The following SCFD2 variants were observed in gnomAD, a reference collection of about 807,000 sequenced individuals.
SCFD2 encodes sec1 family domain containing 2.
In SCFD2, 54 loss-of-function variants were observed where a neutral mutation model predicts 58.9. That is an observed-to-expected ratio of 0.92 (90% CI 0.74 to 1.15). The LOEUF is 1.15. SCFD2 is among the 50% of genes most tolerant of loss of function. The probability of loss-of-function intolerance (pLI) is 0.00; values close to 1 mark genes in which losing one functional copy is unlikely to be tolerated. For synonymous variants in SCFD2, 321 were observed against 335.9 expected (o/e 0.96, Z 0.49); for missense variants, 805 against 836.6 (o/e 0.96, Z 0.47).
At chr4:52,917,574 C>G (rs1719638408) in intron 6 of SCFD2, among the ~76,000 whole-genome samples, 1 of 152,144 alleles carries the variant, frequency 6.6e-6, no homozygotes, top group Non-Finnish European at 1.5e-5. Context: ...GGTGCTGTCT[C>G]CAGCCTTGGT....
At chr4:53,093,436 T>G (rs1418419993) in intron 5 of SCFD2, among the ~76,000 whole-genome samples, 1 of 152,140 alleles carries the variant, frequency 6.6e-6, no homozygotes, top group African/African-American at 2.4e-5. Flanking sequence ...GCAATATCTG[T>G]CAAAAATATC....
At chr4:53,224,337 C>A (rs6554078) in intron 4 of SCFD2, among the ~76,000 whole-genome samples, 1 of 149,152 alleles carries the variant, frequency 6.7e-6, no homozygotes, top group Non-Finnish European at 1.5e-5. Flanking sequence ...TGCAGTGAGC[C>A]GAGATCACCC....
intron 5 of SCFD2, among the ~76,000 whole-genome samples, chr4:52,993,212 C>T (rs1174920794): frequency 4.6e-5 from 7 of 151,692 alleles, no homozygotes; most frequent in African/African-American, 1.7e-4. Context: ...CGTTAAGAGT[C>T]ATCACCACTC....
At chr4:53,328,997 A>G (rs1733320556) in intron 2 of SCFD2, among the ~76,000 whole-genome samples, 1 of 152,226 alleles carries the variant, frequency 6.6e-6, no homozygotes, top group African/African-American at 2.4e-5. Flanking sequence ...CACACCTGGA[A>G]AATCGGGTCA....
chr4:53,330,524 A>C (rs1475574299), intron 2 of SCFD2, among the ~76,000 whole-genome samples: 1 of 152,174 alleles, frequency 6.6e-6, no homozygotes, highest in Non-Finnish European at 1.5e-5. Flanking sequence ...CAAATAAAAT[A>C]CTTTACAGAC....
At chr4:53,297,831 C>A (rs1362624157) in intron 3 of SCFD2, among the ~76,000 whole-genome samples, 3 of 152,112 alleles carry the variant, frequency 2.0e-5, no homozygotes. Flanking sequence ...CCTTCAGGAG[C>A]TCTTGTAAGG....
chr4:52,875,157 G>T (rs1307049200), intron 8 of SCFD2, among the ~76,000 whole-genome samples: 1 of 152,276 alleles, frequency 6.6e-6, no homozygotes, highest in East Asian at 1.9e-4. Flanking sequence ...CAGTGCCCCC[G>T]TGCCTCCCTT....
chr4:53,218,749 T>C (rs1336285997), intron 4 of SCFD2, among the ~76,000 whole-genome samples: 1 of 152,230 alleles, frequency 6.6e-6, no homozygotes, highest in Admixed American at 6.5e-5. Context: ...TTTTCTGCTC[T>C]GCTTTTTCCC....
intron 5 of SCFD2, among the ~76,000 whole-genome samples, chr4:52,974,220 G>A (rs1282255086): frequency 1.3e-5 from 2 of 152,126 alleles, no homozygotes; most frequent in East Asian, 1.9e-4. Flanking sequence ...GGAAAAGAGG[G>A]AGTCAAATTG....
intron 4 of SCFD2, among the ~76,000 whole-genome samples, chr4:53,217,922 G>A (rs1046208272): frequency 1.3e-5 from 2 of 152,196 alleles, no homozygotes; most frequent in Admixed American, 6.5e-5. Flanking sequence ...GGCTGGATAT[G>A]AAATTCTGGG....
At chr4:53,017,123 C>T (rs1722232668) in intron 5 of SCFD2, among the ~76,000 whole-genome samples, 1 of 152,138 alleles carries the variant, frequency 6.6e-6, no homozygotes, top group African/African-American at 2.4e-5. Flanking sequence ...CACACACACA[C>T]ACAAAAAGAA....
chr4:53,308,965 C>T (rs1732601072), intron 3 of SCFD2, among the ~76,000 whole-genome samples: 1 of 151,648 alleles, frequency 6.6e-6, no homozygotes, highest in South Asian at 2.1e-4. Flanking sequence ...CCTGTCTCTA[C>T]TAGATAAAAA....
intron 5 of SCFD2, among the ~76,000 whole-genome samples, chr4:53,110,449 T>C (rs1198040785): frequency 6.6e-6 from 1 of 152,094 alleles, no homozygotes; most frequent in Non-Finnish European, 1.5e-5. Context: ...TCAGAGTGAA[T>C]GGGCAACTTA....
intron 5 of SCFD2, among the ~76,000 whole-genome samples, chr4:53,112,047 G>A (rs1451914461): frequency 6.6e-6 from 1 of 152,066 alleles, no homozygotes; most frequent in Non-Finnish European, 1.5e-5. Context: ...GACAAACAGA[G>A]AGAAGTTTCA....
At chr4:53,186,848 C>T (rs1285257786) in intron 4 of SCFD2, among the ~76,000 whole-genome samples, 3 of 151,848 alleles carry the variant, frequency 2.0e-5, no homozygotes, top group Non-Finnish European at 2.9e-5. Flanking sequence ...TTTATTCAAC[C>T]GTAAAATGGG....
chr4:53,027,286 A>C (rs1722499978), intron 5 of SCFD2, among the ~76,000 whole-genome samples: 1 of 151,270 alleles, frequency 6.6e-6, no homozygotes, highest in South Asian at 2.1e-4. Flanking sequence ...AGTCTGATGC[A>C]CCTTCAGGAA....
At chr4:53,042,499 A>C (rs150415179) in intron 5 of SCFD2, among the ~76,000 whole-genome samples, 2 of 152,278 alleles carry the variant, frequency 1.3e-5, no homozygotes, top group African/African-American at 4.8e-5. Context: ...AGTAGAGAAA[A>C]AGGAAATATG....
At chr4:52,969,461 C>T (rs746230256) in intron 5 of SCFD2, among the ~76,000 whole-genome samples, 22 of 152,132 alleles carry the variant, frequency 1.4e-4, no homozygotes, top group Non-Finnish European at 2.9e-4. Context: ...CTCATAAGGG[C>T]CCCTCTCAAA....
At chr4:52,884,508 G>A (rs1003604302) in intron 8 of SCFD2, among the ~76,000 whole-genome samples, 34 of 152,246 alleles carry the variant, frequency 2.2e-4, no homozygotes, top group Middle Eastern at 6.8e-3. Flanking sequence ...CCAGTGGACC[G>A]CGCCCAGAGC....
Sources: gnomAD v4.1 joint callset for allele counts (sites outside exome capture counted in the v4.1 genomes callset) on GRCh38, gnomAD v4.1.1 for gene constraint, MANE v1.5 for transcripts, NCBI Gene and HGNC (gene_info 2026-07-23, HGNC 2026-07-21) for gene names.